COL11A1: variants seen among roughly 807,000 people sequenced by gnomAD.
COL11A1 encodes collagen alpha-1(XI) chain.
In COL11A1, 74 loss-of-function variants were observed where a neutral mutation model predicts 265.2. The observed-to-expected ratio is 0.28, with a 90% confidence interval of 0.23 to 0.34. The LOEUF is 0.34. Ranked by LOEUF, COL11A1 falls within the 10% of genes least tolerant of loss-of-function variation. The pLI, the probability that COL11A1 is intolerant of heterozygous loss-of-function variation, is 1.00. For missense variants in COL11A1, 2,165 were observed against 2,263.6 expected, an observed-to-expected ratio of 0.96 and a Z score of 0.88; for synonymous variants, 816 against 727.6, an observed-to-expected ratio of 1.12 and a Z score of -1.96.
intron 46 of COL11A1, among the ~76,000 whole-genome samples, chr1:102,928,833 C>A (rs2101130126): frequency 7.2e-6 from 1 of 138,686 alleles, no homozygotes; most frequent in South Asian, 2.7e-4. Flanking sequence ...ATTTGCATTT[C>A]TCTGATGGCC....
At chr1:103,067,637 T>A (rs575349577) in intron 4 of COL11A1, among the ~76,000 whole-genome samples, 101 of 151,788 alleles carry the variant, frequency 6.7e-4, no homozygotes, top group Admixed American at 2.8e-3. Flanking sequence ...AAGAGTCTGT[T>A]AAGAGTGACA....
At chr1:103,093,039 A>G (rs533288589) in intron 1 of COL11A1, among the ~76,000 whole-genome samples, 1 of 152,240 alleles carries the variant, frequency 6.6e-6, no homozygotes, top group East Asian at 1.9e-4. Context: ...CCATCACTGC[A>G]TCTATGCCAG....
intron 54 of COL11A1, among the ~76,000 whole-genome samples, 160 bp downstream of exon 54, chr1:102,911,999 T>C (rs79923294): frequency 6.6e-6 from 1 of 152,376 alleles, no homozygotes; most frequent in Non-Finnish European, 1.5e-5. Context: ...GAATATGTTC[T>C]ATTTTAGTTA....
chr1:103,068,796 A>C (rs1290551922), intron 4 of COL11A1, among the ~76,000 whole-genome samples: 3 of 151,440 alleles, frequency 2.0e-5, no homozygotes, highest in African/African-American at 7.3e-5. Context: ...AAATATTCAA[A>C]TATGACATTA....
chr1:103,027,682 C>G (rs76764789), intron 5 of COL11A1, among the ~76,000 whole-genome samples: 1 of 151,656 alleles, frequency 6.6e-6, no homozygotes, highest in East Asian at 1.9e-4. Context: ...AAATTGTGAT[C>G]ACAGTGCCTT....
At chr1:102,976,394 G>A (rs1220064861) in intron 35 of COL11A1, among the ~76,000 whole-genome samples, 1 of 138,184 alleles carries the variant, frequency 7.2e-6, no homozygotes, top group Non-Finnish European at 1.5e-5. Context: ...CGCCTCCTGG[G>A]TTCAAGCAAT....
At chr1:103,085,321 G>A (rs1166555221) in intron 1 of COL11A1, among the ~76,000 whole-genome samples, 1 of 152,152 alleles carries the variant, frequency 6.6e-6, no homozygotes, top group Non-Finnish European at 1.5e-5. Flanking sequence ...CAAACATTCA[G>A]GACGCAGGGC....
At chr1:103,020,160 C>T (rs1425652755) in intron 9 of COL11A1, among the ~76,000 whole-genome samples, 1 of 151,928 alleles carries the variant, frequency 6.6e-6, no homozygotes, top group Non-Finnish European at 1.5e-5. Context: ...TGAGGAATTG[C>T]CACACTGACT....
intron 6 of COL11A1, 68 bp from the exon 7 acceptor site, chr1:103,025,681 T>A: frequency 3.8e-6 from 6 of 1,568,108 alleles, no homozygotes; most frequent in Non-Finnish European, 5.3e-6. Context: ...AAATCATGAT[T>A]TAATTGGGTT....
intron 14 of COL11A1, among the ~76,000 whole-genome samples, chr1:103,011,793 G>C (rs898146150): frequency 6.6e-6 from 1 of 151,978 alleles, no homozygotes; most frequent in Non-Finnish European, 1.5e-5. Flanking sequence ...CCTGTGAACT[G>C]CTACACCACT....
chr1:102,985,560 C>G (rs1663453245), intron 30 of COL11A1, among the ~76,000 whole-genome samples: 1 of 151,960 alleles, frequency 6.6e-6, no homozygotes, highest in South Asian at 2.1e-4. Context: ...TGGTAATTAC[C>G]ACATTAGAAT....
chr1:102,915,097 G>T (rs1037424239), intron 50 of COL11A1, among the ~76,000 whole-genome samples: 3 of 151,984 alleles, frequency 2.0e-5, no homozygotes, highest in Non-Finnish European at 2.9e-5. Flanking sequence ...GTAGAGACGG[G>T]GTTTTACCAC....
In COL11A1 at chr1:103,002,717, T is replaced by C. The variant is rs372885341; in HGVS notation, c.2043+30A>G. ...GTTTCTTAGGGCTTATATTCAAATATGAGTTATTTTATCACTATTTGCTAC... is the reference window on the plus strand; with the variant it reads ...GTTTCTTAGGGCTTATATTCAAATACGAGTTATTTTATCACTATTTGCTAC... On this transcript the variant is annotated intron_variant, in intron 22 of 66. Coordinates refer to ENST00000370096, the MANE Select transcript of COL11A1 (RefSeq NM_001854.4). The C allele has an allele frequency of 1.1e-5, 17 of 1,587,574 alleles. No homozygotes were observed. In the African/African-American group the frequency reaches 1.5e-4, roughly 14 times the overall value.
intron 3 of COL11A1, among the ~76,000 whole-genome samples, chr1:103,078,155 T>G (rs1453721122): frequency 6.6e-6 from 1 of 152,070 alleles, no homozygotes; most frequent in Non-Finnish European, 1.5e-5. Context: ...TGTTATACCA[T>G]CTGGCCTCCC....
At chr1:102,886,256 A>G (rs1260626465) in intron 63 of COL11A1, among the ~76,000 whole-genome samples, 1 of 152,158 alleles carries the variant, frequency 6.6e-6, no homozygotes, top group East Asian at 1.9e-4. Context: ...CCTAATTGTT[A>G]TTAGTAAGTA....
chr1:102,982,313 A>C (rs898231280), intron 31 of COL11A1, among the ~76,000 whole-genome samples: 2 of 152,024 alleles, frequency 1.3e-5, no homozygotes, highest in African/African-American at 4.8e-5. Flanking sequence ...ATTTTAAATA[A>C]ATTCATAAAA....
At chr1:103,066,000 T>C (rs924247029) in intron 4 of COL11A1, among the ~76,000 whole-genome samples, 2 of 151,932 alleles carry the variant, frequency 1.3e-5, no homozygotes, top group Non-Finnish European at 2.9e-5. Context: ...ATTTTTACAG[T>C]CCTAAAATAA....
At chr1:102,958,386 T>C (rs1056004396) in intron 41 of COL11A1, among the ~76,000 whole-genome samples, 4 of 152,118 alleles carry the variant, frequency 2.6e-5, no homozygotes, top group African/African-American at 9.7e-5. Flanking sequence ...AAATAAGAAT[T>C]GACATTATTA....
chr1:102,914,457 A>C (rs1369509758), intron 51 of COL11A1, 52 bp from the exon 52 acceptor site: 1 of 1,497,720 alleles, frequency 6.7e-7, no homozygotes, highest in Non-Finnish European at 9.1e-7. Flanking sequence ...AAATTTTTAT[A>C]AAATTATGAC....
Sources: gnomAD v4.1 joint callset for allele counts (sites outside exome capture counted in the v4.1 genomes callset) on GRCh38, gnomAD v4.1.1 for gene constraint, MANE v1.5 for transcripts, NCBI Gene and HGNC (gene_info 2026-07-23, HGNC 2026-07-21) for gene names.